Variants in STXBP4 observed in about 807,000 individuals in gnomAD.
STXBP4 encodes the protein syntaxin binding protein 4.
Under a neutral mutation model 76.1 loss-of-function variants are expected in STXBP4, and 55 were observed. That is an observed-to-expected ratio of 0.72 (90% CI 0.58 to 0.91). The LOEUF (loss-of-function observed/expected upper bound fraction) is 0.91, where lower values mean the gene tolerates loss of function less well. STXBP4 is among the 40% of genes least tolerant of loss of function. The pLI is 0.00. For synonymous variants in STXBP4, 201 were observed against 220.2 expected (o/e 0.91, Z 0.77); for missense variants, 618 against 636.9 (o/e 0.97, Z 0.32).
rs1598126504 is a variant in STXBP4, at chr17:54,968,785, G to A, written c.-187G>A. On this transcript the variant is annotated 5_prime_UTR_variant, in exon 1 of 18. Coordinates refer to ENST00000376352, the MANE Select transcript of STXBP4 (RefSeq NM_178509.6). Reference sequence around the variant, plus strand: ...TCCTCAGGTGGCAGCGCTTGCAGTCGGGCTACGGAGGCCGGGTTGCCAGAT... The same window carrying A: ...TCCTCAGGTGGCAGCGCTTGCAGTCAGGCTACGGAGGCCGGGTTGCCAGAT... The A allele has an allele frequency of 3.2e-6, 3 of 948,358 alleles. No homozygotes were observed. The East Asian group carries it at 7.4e-5, about 23-fold the overall frequency. 58.7% of individuals were successfully genotyped at this position (948,358 alleles called of 1,614,324 possible).
At chr17:55,145,764 T>C (rs1050670978) in intron 17 of STXBP4, among the ~76,000 whole-genome samples, 5 of 152,186 alleles carry the variant, frequency 3.3e-5, no homozygotes, top group Admixed American at 2.6e-4. Context: ...AATGTATATA[T>C]GCATATATGC....
At chr17:55,143,963 G>A (rs921863075) in intron 17 of STXBP4, among the ~76,000 whole-genome samples, 5 of 151,218 alleles carry the variant, frequency 3.3e-5, no homozygotes, top group Non-Finnish European at 7.4e-5. Context: ...AAATTGCAGA[G>A]CCAAGATTCA....
At chr17:55,085,553 A>ACCAT (rs1182668001) in intron 16 of STXBP4, among the ~76,000 whole-genome samples, 1 of 151,712 alleles carries the variant, frequency 6.6e-6, no homozygotes, top group African/African-American at 2.4e-5. Context: ...CTAACATTCC[A>ACCAT]CCATCCCTCT....
At position 54,988,081 on chromosome 17, in the gene STXBP4, A is replaced by G. The variant is rs143425354; in HGVS notation, c.47+1815A>G. On this transcript the variant is annotated intron_variant, in intron 3 of 17. Coordinates refer to ENST00000376352, the MANE Select transcript of STXBP4 (RefSeq NM_178509.6). The stretch of plus-strand genomic sequence containing the variant: ...TATGCTGCTATGAACATATAAATTT[A>G]TGTTTAAGAAGAACTTTCAACAACA... 2.0e-5 allele frequency among the ~76,000 whole-genome samples: 3 copies of G among 152,348 alleles called. No individual in the cohort carries two copies. In the East Asian group the frequency reaches 5.8e-4, roughly 29 times the overall value.
intron 16 of STXBP4, among the ~76,000 whole-genome samples, chr17:55,104,801 CAGAACTTGTTAT>C (rs2079611060): frequency 6.6e-6 from 1 of 152,162 alleles, no homozygotes. Context: ...GCCTCAATTT[CAGAACTTGTTAT>C]TGGTTTACTC....
chr17:55,146,874 G>A (rs1364003022), intron 17 of STXBP4, among the ~76,000 whole-genome samples: 7 of 152,130 alleles, frequency 4.6e-5, no homozygotes, highest in Non-Finnish European at 1.0e-4. Context: ...CTTGAAGTAA[G>A]GGACAAAAAG....
At chr17:55,079,983 A>T (rs1388398438) in intron 15 of STXBP4, among the ~76,000 whole-genome samples, 3 of 152,156 alleles carry the variant, frequency 2.0e-5, no homozygotes, top group Non-Finnish European at 4.4e-5. Context: ...AAACTCTGTG[A>T]ATTTCATGAT....
chr17:54,975,861 T>C (rs1391158480), intron 1 of STXBP4, among the ~76,000 whole-genome samples: 1 of 152,186 alleles, frequency 6.6e-6, no homozygotes, highest in Admixed American at 6.5e-5. Context: ...CTGGAATGCT[T>C]TGTCCCTCAG....
the STXBP4 span, among the ~76,000 whole-genome samples, chr17:55,195,481 C>A: frequency 6.6e-6 from 1 of 152,178 alleles, no homozygotes; most frequent in Non-Finnish European, 1.5e-5. Flanking sequence ...AGGTCTCACT[C>A]TGTTACCTAG....
Position 55,165,186 on chromosome 17 carries a change from T to C in STXBP4, c.*5275T>C, listed in dbSNP as rs1419768122. On this transcript the variant is annotated 3_prime_UTR_variant, in exon 18 of 18. Transcript: ENST00000376352. ...TTGGGGAACTAGAAAGGATTTATGATTTAGGTCAAAGATTTGAGAGCACAT... is the reference window on the plus strand; with the variant it reads ...TTGGGGAACTAGAAAGGATTTATGACTTAGGTCAAAGATTTGAGAGCACAT... The C allele has an allele frequency of 6.6e-6, 1 of 152,192 alleles. No individual in the cohort carries two copies. The highest frequency in any genetic ancestry group is 1.5e-5 in the Non-Finnish European group (1 of 68,032). The allele number at this position is 152,192 out of a possible 1,614,324, so 9.4% of individuals were successfully genotyped here. A position where few individuals can be genotyped will look rare whatever the true frequency, so the allele number is the denominator to read the frequency against.
At chr17:55,207,278 A>C in the STXBP4 span, among the ~76,000 whole-genome samples, 1 of 152,154 alleles carries the variant, frequency 6.6e-6, no homozygotes, top group Non-Finnish European at 1.5e-5. Flanking sequence ...ACAGGAAAAT[A>C]GTCACCTGTC....
intron 16 of STXBP4, among the ~76,000 whole-genome samples, chr17:55,133,361 C>T (rs1391632398): frequency 6.6e-6 from 1 of 151,986 alleles, no homozygotes; most frequent in Non-Finnish European, 1.5e-5. Context: ...GTCAGGAGAT[C>T]AGTAATGGGC....
chr17:55,086,172 A>C (rs1481384393), intron 16 of STXBP4, among the ~76,000 whole-genome samples: 4 of 152,126 alleles, frequency 2.6e-5, no homozygotes, highest in Non-Finnish European at 5.9e-5. Flanking sequence ...TTTCATCAGC[A>C]CTTTTTTTTC....
At chr17:55,212,153 A>G in the STXBP4 span, among the ~76,000 whole-genome samples, 1 of 152,050 alleles carries the variant, frequency 6.6e-6, no homozygotes, top group African/African-American at 2.4e-5. Context: ...GCACTTGGGA[A>G]CATAAGTTTC....
At chr17:55,007,444 G>T in intron 7 of STXBP4, 62 bp from the exon 8 acceptor site, 1 of 1,176,206 alleles carries the variant, frequency 8.5e-7, no homozygotes, top group Non-Finnish European at 1.3e-6. Flanking sequence ...AACATATCCT[G>T]TCAAATAAAA....
At chr17:55,066,409 A>T (rs1038446254) in intron 12 of STXBP4, among the ~76,000 whole-genome samples, 1 of 151,984 alleles carries the variant, frequency 6.6e-6, no homozygotes, top group Admixed American at 6.6e-5. Context: ...TTTTTAGTAG[A>T]CATGAGGTTT....
chr17:55,009,725 G>A (rs1295393483), intron 8 of STXBP4, among the ~76,000 whole-genome samples: 1 of 151,964 alleles, frequency 6.6e-6, no homozygotes, highest in Non-Finnish European at 1.5e-5. Flanking sequence ...ATTTAGTAGA[G>A]CATTCTTTTT....
At chr17:55,207,004 T>G in the STXBP4 span, among the ~76,000 whole-genome samples, 2 of 152,006 alleles carry the variant, frequency 1.3e-5, no homozygotes, top group African/African-American at 4.8e-5. Flanking sequence ...CCTTCAACAT[T>G]ACTGAGGGAG....
At chr17:55,123,490 CGAAGA>C (rs2079869803) in intron 16 of STXBP4, among the ~76,000 whole-genome samples, 2 of 151,868 alleles carry the variant, frequency 1.3e-5, no homozygotes, top group Admixed American at 6.6e-5. Flanking sequence ...TGCTGCCAGA[CGAAGA>C]GAAGAGATAA....
Sources: allele counts gnomAD v4.1 joint callset (sites outside exome capture counted in the v4.1 genomes callset), GRCh38; gene constraint gnomAD v4.1.1; transcripts MANE v1.5; gene names NCBI Gene and HGNC (gene_info 2026-07-23, HGNC 2026-07-21).